Variants in UTRN observed in about 807,000 individuals in gnomAD.
UTRN encodes the protein utrophin, also known as dystrophin-related protein 1.
Under a neutral mutation model 463.9 loss-of-function variants are expected in UTRN, and 283 were observed. The ratio of observed to expected loss-of-function variants is 0.61; its 90% CI spans 0.55 to 0.67. The LOEUF is 0.67. Among genes scored for constraint, UTRN ranks in the 30% least tolerant of loss-of-function variants. The pLI is 0.00. For missense variants in UTRN, 3,922 were observed against 4,084.3 expected (o/e 0.96, Z 1.08); for synonymous variants, 1,442 against 1,431.5 (o/e 1.01, Z -0.17).
chr6:144,381,359 A>G lies in UTRN; in HGVS notation c.80-21764A>G, dbSNP rs2114737742. On this transcript the variant is annotated intron_variant, in intron 2 of 74. Transcript: ENST00000367545. ...CCTGCAAACAACATGATCTCATTCC[A>G]TTTTATGGCTGCATAGTATTCCATA... is the stretch of plus-strand genomic sequence containing the variant. 1.3e-5 allele frequency among the ~76,000 whole-genome samples: 2 copies of G among 152,246 alleles called. 1 individual carries two copies. The highest frequency in any genetic ancestry group is 4.2e-4 in the South Asian group (2 of 4,812).
chr6:144,337,139 TCACACACAGAGACA>T (rs1776775876), intron 2 of UTRN, among the ~76,000 whole-genome samples: 1 of 136,738 alleles, frequency 7.3e-6, no homozygotes, highest in African/African-American at 2.8e-5. Flanking sequence ...ACACACAGAC[TCACACACAGAGACA>T]CACACACACA....
intron 59 of UTRN, 67 bp from the exon 60 acceptor site, chr6:144,774,223 C>A: frequency 7.1e-7 from 1 of 1,398,934 alleles, no homozygotes; most frequent in South Asian, 1.3e-5. Flanking sequence ...TAACCAAATA[C>A]ATTCTGGGCA....
At chr6:144,760,925 TTATTTTTATGTCA>T (rs1792596234) in intron 58 of UTRN, among the ~76,000 whole-genome samples, 1 of 152,170 alleles carries the variant, frequency 6.6e-6, no homozygotes, top group Non-Finnish European at 1.5e-5. Flanking sequence ...GAAGGGCAAA[TTATTTTTATGTCA>T]TATTTTAATT....
intron 52 of UTRN, among the ~76,000 whole-genome samples, chr6:144,695,985 T>A (rs767509681): frequency 7.2e-5 from 11 of 152,164 alleles, no homozygotes; most frequent in Non-Finnish European, 1.6e-4. Flanking sequence ...CCAGTAAAAT[T>A]GTCAAATCTA....
chr6:144,846,696 T>C lies in UTRN; in HGVS notation c.10271-109T>C, dbSNP rs1051877034. On this transcript the variant is annotated intron_variant, in intron 73 of 74. Coordinates refer to ENST00000367545, the MANE Select transcript of UTRN (RefSeq NM_007124.3). Reference sequence around the variant, plus strand: ...TAGCATCCATTTAACAACTGGGCTATTATTACCCTATGTAGAGTGATACTT... The same window carrying C: ...TAGCATCCATTTAACAACTGGGCTACTATTACCCTATGTAGAGTGATACTT... 3.4e-6 allele frequency: 5 copies of C among 1,464,078 alleles called. No individual in the cohort carries two copies. The African/African-American group carries it at 4.2e-5, about 12-fold the overall frequency. The allele number at this position is 1,464,078 out of a possible 1,614,324, so 90.7% of individuals were successfully genotyped here.
At chr6:144,590,328 ATAGT>A (rs1164620493) in intron 51 of UTRN, among the ~76,000 whole-genome samples, 1 of 152,198 alleles carries the variant, frequency 6.6e-6, no homozygotes, top group Non-Finnish European at 1.5e-5. Flanking sequence ...CCATATTAAA[ATAGT>A]TGGTTCTGGT....
chr6:144,728,045 G>A (rs1788084746), intron 53 of UTRN, among the ~76,000 whole-genome samples: 1 of 149,572 alleles, frequency 6.7e-6, no homozygotes, highest in African/African-American at 2.5e-5. Flanking sequence ...GGTTGCAAGT[G>A]AGCCAAGATT....
In UTRN at chr6:144,700,365, C is replaced by T. The variant is rs918448879; in HGVS notation, c.7809+122C>T. ...ATCACAGGATTCCCCCCCCCACCAC[C>T]GTCTGCTTTTAGTTGCCAGTAGACA... On this transcript the variant is annotated intron_variant, in intron 53 of 74. Coordinates refer to ENST00000367545, the MANE Select transcript of UTRN (RefSeq NM_007124.3). 24 of 1,153,732 alleles carry T rather than the reference C, an allele frequency of 2.1e-5. No homozygotes were observed. In the African/African-American group the frequency reaches 2.7e-4, roughly 13 times the overall value. 71.5% of individuals were successfully genotyped at this position (1,153,732 alleles called of 1,614,324 possible). A position where few individuals can be genotyped will look rare whatever the true frequency, so the allele number is the denominator to read the frequency against.
intron 3 of UTRN, among the ~76,000 whole-genome samples, chr6:144,413,469 G>T (rs1784094412): frequency 6.6e-6 from 1 of 152,146 alleles, no homozygotes; most frequent in Non-Finnish European, 1.5e-5. Context: ...AAGAGAGAGA[G>T]CATGTGCAGG....
intron 32 of UTRN, among the ~76,000 whole-genome samples, chr6:144,491,525 C>A (rs1793075562): frequency 6.6e-6 from 1 of 151,952 alleles, no homozygotes. Context: ...GAAATTTAAA[C>A]CTTAAGATAG....
chr6:144,804,831 C>G (rs141778583), intron 65 of UTRN, among the ~76,000 whole-genome samples: 1 of 152,208 alleles, frequency 6.6e-6, no homozygotes, highest in East Asian at 1.9e-4. Context: ...GAAGGATTCC[C>G]CATTGTAAAC....
chr6:144,517,697 C>T (rs1176467645), intron 39 of UTRN, among the ~76,000 whole-genome samples: 1 of 152,178 alleles, frequency 6.6e-6, no homozygotes, highest in African/African-American at 2.4e-5. Context: ...ATACTTCCAA[C>T]TGTGTTTCAG....
intron 35 of UTRN, among the ~76,000 whole-genome samples, chr6:144,513,277 G>T (rs1390052487): frequency 2.0e-5 from 3 of 152,180 alleles, no homozygotes; most frequent in African/African-American, 4.8e-5. Context: ...TATGGGCCAG[G>T]TGTGGTGGCG....
intron 54 of UTRN, among the ~76,000 whole-genome samples, chr6:144,732,722 TGTTA>T (rs1417364160): frequency 2.0e-4 from 29 of 146,806 alleles, no homozygotes; most frequent in African/African-American, 7.1e-4. Context: ...TGTTATGTTA[TGTTA>T]TTTTGAGACA....
intron 34 of UTRN, among the ~76,000 whole-genome samples, chr6:144,502,906 G>A (rs1442024005): frequency 6.6e-6 from 1 of 152,166 alleles, no homozygotes; most frequent in Non-Finnish European, 1.5e-5. Context: ...ATCCACTCCA[G>A]CATCTGTTGT....
intron 34 of UTRN, among the ~76,000 whole-genome samples, chr6:144,503,647 C>T (rs909211375): frequency 5.3e-5 from 8 of 152,190 alleles, no homozygotes; most frequent in Non-Finnish European, 1.2e-4. Flanking sequence ...GTTTTGGTTA[C>T]TGTAGCCTGA....
chr6:144,490,262 G>A (rs2128578821), intron 31 of UTRN, 63 bp downstream of exon 31: 1 of 1,557,286 alleles, frequency 6.4e-7, no homozygotes, highest in Non-Finnish European at 8.6e-7. Flanking sequence ...TCAAAAAAGA[G>A]AAAGAATTGA....
At chr6:144,394,436 C>T (rs1584588864) in intron 2 of UTRN, among the ~76,000 whole-genome samples, 2 of 152,150 alleles carry the variant, frequency 1.3e-5, no homozygotes, top group African/African-American at 4.8e-5. Flanking sequence ...GGGTAAACCA[C>T]CTCCATGATT....
rs1795114766 is a variant in UTRN, at chr6:144,510,956, G to C, written c.4777G>C (p.Asp1593His). ...TTTTATTTTCTAGAATGTTCTGAAG[G>C]ATCTGGAAAAGAGAAAAGCTGATTT... ...EISWAKNVLK[D>H]LEKRKADLNT... The change falls in exon 35 of 75, where the codon GAT (aspartate) becomes CAT (histidine). Residue 1593 changes from aspartate to histidine, a missense_variant. Transcript: ENST00000367545. 1.9e-6 allele frequency: 3 copies of C among 1,593,648 alleles called. No individual in the cohort carries two copies. The highest frequency in any genetic ancestry group is 2.6e-6 in the Non-Finnish European group (3 of 1,167,016).
Sources: gnomAD v4.1 joint callset for allele counts (sites outside exome capture counted in the v4.1 genomes callset) on GRCh38, gnomAD v4.1.1 for gene constraint, MANE v1.5 for transcripts, NCBI Gene and HGNC (gene_info 2026-07-23, HGNC 2026-07-21) for gene names.